The following USH2A variants were observed in gnomAD, a reference collection of about 807,000 sequenced individuals.
USH2A encodes the protein usherin, also known as Usher syndrome 2A (autosomal recessive, mild).
Under a neutral mutation model 538.9 loss-of-function variants are expected in USH2A, and 443 were observed. The observed-to-expected ratio is 0.82, with a 90% CI of 0.76 to 0.89. USH2A has a LOEUF of 0.89. Ranked by LOEUF, USH2A falls within the 40% of genes least tolerant of loss-of-function variation. The probability of loss-of-function intolerance (pLI) is 0.00; values close to 1 mark genes in which losing one functional copy is unlikely to be tolerated. For synonymous variants in USH2A, 2,413 were observed against 2,273.5 expected, an observed-to-expected ratio of 1.06 and a Z score of -1.75; for missense variants, 6,633 against 6,324.8, an observed-to-expected ratio of 1.05 and a Z score of -1.65.
At chr1:216,232,873 A>T (rs2035728528) in intron 13 of USH2A, among the ~76,000 whole-genome samples, 1 of 152,148 alleles carries the variant, frequency 6.6e-6, no homozygotes, top group African/African-American at 2.4e-5. Context: ...TAATGCATGA[A>T]TTATTATTAC....
At chr1:215,942,101 T>A (rs2102506652) in intron 37 of USH2A, among the ~76,000 whole-genome samples, 1 of 152,200 alleles carries the variant, frequency 6.6e-6, no homozygotes, top group Admixed American at 6.5e-5. Context: ...TGAGGAAGGA[T>A]CTCTCGCAAG....
chr1:216,076,644 T>C (rs1262186195), intron 27 of USH2A, among the ~76,000 whole-genome samples: 1 of 152,194 alleles, frequency 6.6e-6, no homozygotes, highest in Non-Finnish European at 1.5e-5. Context: ...GTAATATTTT[T>C]AGCTGCTGTT....
intron 12 of USH2A, among the ~76,000 whole-genome samples, chr1:216,248,496 C>T (rs1366311266): frequency 6.6e-6 from 1 of 151,706 alleles, no homozygotes; most frequent in Non-Finnish European, 1.5e-5. Context: ...CTCAGGAACT[C>T]ATATGTAGAA....
intron 3 of USH2A, among the ~76,000 whole-genome samples, chr1:216,374,294 A>AT (rs937477984): frequency 1.3e-5 from 2 of 151,748 alleles, no homozygotes; most frequent in African/African-American, 4.8e-5. Context: ...GACCCAAAAA[A>AT]AAAAAGAGTT....
intron 32 of USH2A, among the ~76,000 whole-genome samples, chr1:216,004,598 T>C (rs770497935): frequency 4.1e-4 from 63 of 152,094 alleles, no homozygotes; most frequent in Middle Eastern, 3.4e-3. Context: ...TTAGAAACAG[T>C]GAATAAAAGA....
chr1:215,853,410 G>T (rs1029607715), intron 44 of USH2A, among the ~76,000 whole-genome samples: 22 of 152,258 alleles, frequency 1.4e-4, no homozygotes, highest in African/African-American at 5.1e-4. Context: ...GGCCTGTGTT[G>T]GTCGCAGCTG....
At chr1:215,695,353 T>C (rs1242755392) in intron 61 of USH2A, among the ~76,000 whole-genome samples, 1 of 152,198 alleles carries the variant, frequency 6.6e-6, no homozygotes, top group Non-Finnish European at 1.5e-5. Context: ...CCTATCTTAT[T>C]CTAACACAAG....
chr1:216,081,519 G>A (rs2102557562), intron 26 of USH2A, among the ~76,000 whole-genome samples: 1 of 152,224 alleles, frequency 6.6e-6, no homozygotes, highest in South Asian at 2.1e-4. Flanking sequence ...CTTCCTTTCA[G>A]TTGCATGGGA....
chr1:216,110,857 T>C (rs111401784), intron 21 of USH2A, among the ~76,000 whole-genome samples: 29 of 152,230 alleles, frequency 1.9e-4, no homozygotes, highest in African/African-American at 6.5e-4. Context: ...AAGGAAGAAA[T>C]TGCAGTCGAA....
rs558002517 is a variant in USH2A at position 216,011,520 on chromosome 1, T to C, written c.6326-10958A>G. Among the ~76,000 whole-genome samples, 215 of 152,240 alleles carry C rather than the reference T, an allele frequency of 1.4e-3. 1 individual carries two copies. Among genetic ancestry groups the C allele is most frequent in the African/African-American group, 5.0e-3 (209 of 41,542 alleles). The stretch of plus-strand genomic sequence containing the variant: ...CAATCCCTTACAAAACAACAATTCC[T>C]TTCCTTCATAGGCATGGTTAGTGCG... On this transcript the variant is annotated intron_variant, in intron 32 of 71. Coordinates refer to ENST00000307340, the MANE Select transcript of USH2A (RefSeq NM_206933.4).
chr1:215,784,295 G>T (rs1661728725), intron 52 of USH2A, among the ~76,000 whole-genome samples: 1 of 152,142 alleles, frequency 6.6e-6, no homozygotes, highest in South Asian at 2.1e-4. Context: ...TGCCATTCTG[G>T]ATTCTGGATA....
At chr1:216,301,968 T>C (rs756289690) in intron 9 of USH2A, among the ~76,000 whole-genome samples, 18 of 152,184 alleles carry the variant, frequency 1.2e-4, no homozygotes, top group Non-Finnish European at 2.5e-4. Context: ...ATTCAAAGGA[T>C]CCAGTTTCAC....
intron 47 of USH2A, among the ~76,000 whole-genome samples, chr1:215,834,869 C>T (rs1271606869): frequency 6.7e-6 from 1 of 148,230 alleles, no homozygotes; most frequent in Non-Finnish European, 1.5e-5. Flanking sequence ...ATTGTTTTTT[C>T]TTTGTCTCTC....
At chr1:215,928,268 T>C (rs1445446607) in intron 38 of USH2A, among the ~76,000 whole-genome samples, 1 of 152,068 alleles carries the variant, frequency 6.6e-6, no homozygotes, top group East Asian at 1.9e-4. Flanking sequence ...TAAACAAGAA[T>C]CTATTGATAT....
intron 4 of USH2A, among the ~76,000 whole-genome samples, chr1:216,340,838 C>T (rs2038063382): frequency 6.6e-6 from 1 of 151,982 alleles, no homozygotes; most frequent in South Asian, 2.1e-4. Flanking sequence ...ATTGATGGAA[C>T]ATATCTCAAA....
chr1:216,355,952 CA>C (rs779638767), intron 4 of USH2A, among the ~76,000 whole-genome samples: 51 of 151,980 alleles, frequency 3.4e-4, no homozygotes, highest in Admixed American at 1.4e-3. Context: ...TAACATGAAT[CA>C]AACATGTGTT....
At chr1:216,192,774 G>A (rs1338875184) in intron 19 of USH2A, among the ~76,000 whole-genome samples, 2 of 152,042 alleles carry the variant, frequency 1.3e-5, no homozygotes, top group East Asian at 1.9e-4. Context: ...ATAAGGAACA[G>A]CCTTTTAAAT....
At chr1:216,135,134 ACTCTCTCTCTCTCTCT>A (rs10560983) in intron 21 of USH2A, among the ~76,000 whole-genome samples, 2 of 120,934 alleles carry the variant, frequency 1.7e-5, no homozygotes, top group South Asian at 3.2e-4. Flanking sequence ...GGAGCCTGAA[ACTCTCTCTCTCTCTCT>A]CTCTCTCTCT....
chr1:216,251,774 C>T (rs190505367), intron 11 of USH2A, among the ~76,000 whole-genome samples: 1 of 152,002 alleles, frequency 6.6e-6, no homozygotes, highest in East Asian at 1.9e-4. Flanking sequence ...TTTACTGTCT[C>T]ATTGATTTAA....
Sources: allele counts gnomAD v4.1 joint callset (sites outside exome capture counted in the v4.1 genomes callset), GRCh38; gene constraint gnomAD v4.1.1; transcripts MANE v1.5; gene names NCBI Gene and HGNC (gene_info 2026-07-23, HGNC 2026-07-21).